Variants in RAB11FIP4 observed in about 807,000 individuals in gnomAD.
RAB11FIP4 encodes the protein RAB11 family interacting protein 4.
Under a neutral mutation model 74.3 loss-of-function variants are expected in RAB11FIP4, and 23 were observed. The ratio of observed to expected loss-of-function variants is 0.31; its 90% CI spans 0.22 to 0.44. The LOEUF is 0.44. Ranked by LOEUF, RAB11FIP4 falls within the 20% of genes least tolerant of loss-of-function variation. RAB11FIP4 has a pLI of 1.00. For synonymous variants in RAB11FIP4, 360 were observed against 359.9 expected, an observed-to-expected ratio of 1.00 and a Z score of 0.00; for missense variants, 630 against 863.9, an observed-to-expected ratio of 0.73 and a Z score of 3.39.
chr17:31,483,256 G>T (rs1382035250), intron 3 of RAB11FIP4, among the ~76,000 whole-genome samples: 4 of 139,574 alleles, frequency 2.9e-5, no homozygotes. Context: ...TGCGTTGACA[G>T]AATCAAGCCC....
intron 1 of RAB11FIP4, 83 bp from the exon 2 acceptor site, chr17:31,431,730 C>CAA: frequency 1.9e-6 from 1 of 530,118 alleles, no homozygotes; most frequent in Non-Finnish European, 3.8e-6. Flanking sequence ...GTCCCTCCCT[C>CAA]CCTCCCAGCC....
chr17:31,523,570 C>A lies in RAB11FIP4; in HGVS notation c.988C>A (p.Arg330=). The change falls in exon 8 of 15, where the codon CGG becomes AGG. Residue 330 remains arginine, a synonymous_variant. Transcript: ENST00000621161. ...CAATGGCAGCACCGAAGACCTGTTCCGGGACAGCATTGACTCTTGCGACAA... is the reference window on the plus strand; with the variant it reads ...CAATGGCAGCACCGAAGACCTGTTCAGGGACAGCATTGACTCTTGCGACAA... The part of the protein sequence containing the change: ...SSNGSTEDLF[R]DSIDSCDNDI... 6.2e-7 allele frequency: 1 copy of A among 1,614,092 alleles called. No individual in the cohort carries two copies. Among genetic ancestry groups the A allele is most frequent in the African/African-American group, 1.3e-5 (1 of 75,038 alleles).
intron 3 of RAB11FIP4, among the ~76,000 whole-genome samples, chr17:31,488,847 G>A (rs2071952812): frequency 6.6e-6 from 1 of 152,136 alleles, no homozygotes; most frequent in Non-Finnish European, 1.5e-5. Context: ...CCGGTGGTGG[G>A]AGCTGTTGGC....
intron 1 of RAB11FIP4, among the ~76,000 whole-genome samples, chr17:31,431,035 C>T (rs991368502): frequency 6.6e-5 from 10 of 151,870 alleles, no homozygotes; most frequent in African/African-American, 2.2e-4. Flanking sequence ...TCTGAGAGGC[C>T]GGGGGTTGAT....
intron 3 of RAB11FIP4, among the ~76,000 whole-genome samples, chr17:31,491,753 G>A (rs1199645547): frequency 6.6e-6 from 1 of 152,194 alleles, no homozygotes; most frequent in Non-Finnish European, 1.5e-5. Context: ...GTACAAGTGA[G>A]ACTAGAAATC....
intron 1 of RAB11FIP4, among the ~76,000 whole-genome samples, chr17:31,420,878 G>C (rs890161882): frequency 2.0e-5 from 3 of 152,102 alleles, no homozygotes; most frequent in Non-Finnish European, 4.4e-5. Context: ...GAGGTCGAGA[G>C]TTCAAGCCCA....
intron 1 of RAB11FIP4, among the ~76,000 whole-genome samples, chr17:31,405,616 G>A (rs1471487926): frequency 6.6e-6 from 1 of 152,064 alleles, no homozygotes; most frequent in African/African-American, 2.4e-5. Context: ...CAGGCGATCC[G>A]CCCTCCTAGG....
chr17:31,430,604 C>T (rs1489284330), intron 1 of RAB11FIP4, among the ~76,000 whole-genome samples: 3 of 151,946 alleles, frequency 2.0e-5, no homozygotes, highest in African/African-American at 7.3e-5. Context: ...CGTGATCTAC[C>T]CGCCTCGGCC....
intron 1 of RAB11FIP4, among the ~76,000 whole-genome samples, chr17:31,393,904 C>T (rs2070902178): frequency 6.6e-6 from 1 of 152,104 alleles, no homozygotes; most frequent in Non-Finnish European, 1.5e-5. Flanking sequence ...CCCCGCCGCC[C>T]CCACCAGGAC....
chr17:31,500,548 T>C (rs2072198866), intron 3 of RAB11FIP4, among the ~76,000 whole-genome samples: 1 of 152,256 alleles, frequency 6.6e-6, no homozygotes, highest in African/African-American at 2.4e-5. Context: ...GGCTAACTGC[T>C]GATTTATTCT....
intron 1 of RAB11FIP4, among the ~76,000 whole-genome samples, chr17:31,402,232 C>CCATCCATCCATCCATCCATCCAT (rs57785883): frequency 1.3e-5 from 2 of 149,974 alleles, no homozygotes; most frequent in Non-Finnish European, 1.5e-5. Context: ...CATCCATCCA[C>CCATCCATCCATCCATCCATCCAT]CCACCATCTA....
intron 3 of RAB11FIP4, among the ~76,000 whole-genome samples, chr17:31,496,402 C>A (rs924642753): frequency 1.3e-5 from 2 of 152,146 alleles, no homozygotes; most frequent in African/African-American, 4.8e-5. Flanking sequence ...AAGGTCTGCC[C>A]CGTTCCATCT....
At chr17:31,475,008 T>C (rs2071777777) in intron 3 of RAB11FIP4, among the ~76,000 whole-genome samples, 1 of 152,076 alleles carries the variant, frequency 6.6e-6, no homozygotes. Context: ...TGAAGGAACG[T>C]TTAAAGCCAG....
intron 3 of RAB11FIP4, among the ~76,000 whole-genome samples, chr17:31,505,059 C>G (rs1423360233): frequency 6.6e-6 from 1 of 152,118 alleles, no homozygotes; most frequent in African/African-American, 2.4e-5. Flanking sequence ...TAAGCCCACA[C>G]TATAGGTGAT....
At position 31,523,886 on chromosome 17, in the gene RAB11FIP4, G is replaced by A. The variant is rs747264038; in HGVS notation, c.1030-7G>A. On this transcript the variant is annotated splice_region_variant and splice_polypyrimidine_tract_variant and intron_variant, in intron 8 of 14. Coordinates refer to ENST00000621161, the MANE Select transcript of RAB11FIP4 (RefSeq NM_032932.6). ...CTTCTCCACCCCACCCCGGCCCCCT[G>A]CTGCAGGTAAGCTTCCTGGAAAAGA... 10 of 1,600,390 alleles carry A rather than the reference G, an allele frequency of 6.2e-6. No individual in the cohort carries two copies. In the Admixed American group the frequency reaches 6.8e-5, roughly 11 times the overall value.
chr17:31,528,383 CT>C lies in RAB11FIP4; in HGVS notation c.1357-22del, dbSNP rs755817289. ...GCCCCTCTCTGGGAACTCTCCTCCC[CT>C]GATCGGGTCTCCCTGCTCCAGGAGC... On this transcript the variant is annotated intron_variant, in intron 11 of 14. Coordinates refer to ENST00000621161, the MANE Select transcript of RAB11FIP4 (RefSeq NM_032932.6). 3.7e-6 allele frequency: 6 copies of C among 1,608,214 alleles called. No individual in the cohort carries two copies. In the Admixed American group the frequency reaches 5.0e-5, roughly 13 times the overall value.
intron 3 of RAB11FIP4, among the ~76,000 whole-genome samples, chr17:31,504,442 A>G (rs868427537): frequency 9.2e-5 from 14 of 151,752 alleles, no homozygotes; most frequent in African/African-American, 3.4e-4. Context: ...ATTTTTTTGT[A>G]TTTTTGGTAG....
chr17:31,499,137 C>T (rs966937278), intron 3 of RAB11FIP4, among the ~76,000 whole-genome samples: 16 of 152,170 alleles, frequency 1.1e-4, no homozygotes, highest in Admixed American at 6.5e-4. Flanking sequence ...GATGCAGTGG[C>T]TGCATGGGAA....
chr17:31,503,109 T>C (rs1233987956), intron 3 of RAB11FIP4, among the ~76,000 whole-genome samples: 1 of 152,186 alleles, frequency 6.6e-6, no homozygotes, highest in Non-Finnish European at 1.5e-5. Context: ...CTCGGCTCAC[T>C]GCAACCTCCA....
Sources: allele counts gnomAD v4.1 joint callset (sites outside exome capture counted in the v4.1 genomes callset), GRCh38; gene constraint gnomAD v4.1.1; transcripts MANE v1.5; gene names NCBI Gene and HGNC (gene_info 2026-07-23, HGNC 2026-07-21).